KCNH1: variants seen among roughly 807,000 people sequenced by gnomAD.
The protein encoded by KCNH1 is voltage-gated delayed rectifier potassium channel KCNH1.
KCNH1 carries 27 observed loss-of-function variants against 69.2 expected under a neutral mutation model. The ratio of observed to expected loss-of-function variants is 0.39; its 90% CI spans 0.29 to 0.54. The LOEUF (loss-of-function observed/expected upper bound fraction) is 0.54. Among genes scored for constraint, KCNH1 ranks in the 20% least tolerant of loss-of-function variants. The probability of loss-of-function intolerance (pLI) is 0.68; values close to 1 mark genes in which losing one functional copy is unlikely to be tolerated. For synonymous variants in KCNH1, 456 were observed against 487.7 expected (o/e 0.93, Z 0.86); for missense variants, 798 against 1,261.6 (o/e 0.63, Z 5.57).
chr1:210,853,773 C>G (rs1004328470), intron 7 of KCNH1, among the ~76,000 whole-genome samples: 3 of 152,020 alleles, frequency 2.0e-5, no homozygotes, highest in African/African-American at 7.2e-5. Context: ...CTGATCAATA[C>G]CTTTGTCTAA....
chr1:211,020,349 A>G (rs540908994), intron 5 of KCNH1, among the ~76,000 whole-genome samples: 38 of 152,194 alleles, frequency 2.5e-4, no homozygotes, highest in African/African-American at 7.2e-4. Flanking sequence ...AGCTATTATG[A>G]ATAATCATAT....
At chr1:210,996,965 G>A (rs1689056323) in intron 6 of KCNH1, among the ~76,000 whole-genome samples, 1 of 152,116 alleles carries the variant, frequency 6.6e-6, no homozygotes, top group African/African-American at 2.4e-5. Context: ...TCTGTTAGAA[G>A]GAAAACTAAC....
intron 7 of KCNH1, among the ~76,000 whole-genome samples, chr1:210,863,942 T>C (rs753017256): frequency 2.7e-5 from 4 of 149,402 alleles, no homozygotes; most frequent in Non-Finnish European, 5.9e-5. Context: ...TACAAGCACA[T>C]GCACCCTTCT....
chr1:210,771,181 A>G (rs1326683892), intron 10 of KCNH1, among the ~76,000 whole-genome samples: 1 of 152,220 alleles, frequency 6.6e-6, no homozygotes, highest in Non-Finnish European at 1.5e-5. Flanking sequence ...CTTGCACCCT[A>G]GAGAGCCAAG....
At chr1:210,773,409 C>T (rs918064436) in intron 10 of KCNH1, among the ~76,000 whole-genome samples, 11 of 152,206 alleles carry the variant, frequency 7.2e-5, no homozygotes, top group Admixed American at 7.2e-4. Flanking sequence ...GCACCCCACA[C>T]TTGTTTATGC....
chr1:210,719,316 T>C (rs571747024), intron 10 of KCNH1, among the ~76,000 whole-genome samples: 1 of 152,266 alleles, frequency 6.6e-6, no homozygotes, highest in African/African-American at 2.4e-5. Context: ...AGATAAAGAT[T>C]CTGCTATTTG....
chr1:210,964,623 CA>C (rs532983916), intron 6 of KCNH1, among the ~76,000 whole-genome samples: 8 of 150,016 alleles, frequency 5.3e-5, no homozygotes, highest in Admixed American at 5.3e-4. Context: ...GCCTACAAAT[CA>C]AAAAAAGTCC....
chr1:210,720,634 A>G (rs528320325), intron 10 of KCNH1, among the ~76,000 whole-genome samples: 11 of 152,150 alleles, frequency 7.2e-5, no homozygotes, highest in African/African-American at 2.2e-4. Context: ...ACTAATATAG[A>G]TCTATTGTTT....
chr1:210,907,934 GT>G (rs2102545169), intron 7 of KCNH1, among the ~76,000 whole-genome samples: 1 of 152,304 alleles, frequency 6.6e-6, no homozygotes, highest in South Asian at 2.1e-4. Context: ...AAAAGAAACT[GT>G]TTTGTACCTG....
At chr1:210,946,064 TTA>T (rs1687952877) in intron 6 of KCNH1, among the ~76,000 whole-genome samples, 1 of 152,224 alleles carries the variant, frequency 6.6e-6, no homozygotes, top group Non-Finnish European at 1.5e-5. Context: ...GCTGGATGAA[TTA>T]ATACATAGCA....
At chr1:211,011,787 A>G (rs1485480130) in intron 6 of KCNH1, among the ~76,000 whole-genome samples, 1 of 152,220 alleles carries the variant, frequency 6.6e-6, no homozygotes, top group Non-Finnish European at 1.5e-5. Context: ...CACAGCATCT[A>G]CAGTCCCGTC....
At chr1:210,994,696 C>G (rs1364788503) in intron 6 of KCNH1, among the ~76,000 whole-genome samples, 1 of 152,144 alleles carries the variant, frequency 6.6e-6, no homozygotes, top group African/African-American at 2.4e-5. Flanking sequence ...TCAGTCTAAA[C>G]TCAATTTTTG....
At chr1:210,935,954 A>G (rs1169009796) in intron 6 of KCNH1, among the ~76,000 whole-genome samples, 1 of 152,244 alleles carries the variant, frequency 6.6e-6, no homozygotes, top group African/African-American at 2.4e-5. Context: ...TAAATAAAGC[A>G]TTCCTTTAAA....
intron 10 of KCNH1, among the ~76,000 whole-genome samples, chr1:210,761,937 A>G (rs72753476): frequency 1.7e-4 from 26 of 152,304 alleles, no homozygotes; most frequent in Admixed American, 1.0e-3. Context: ...ACAACCACAC[A>G]GTATACATTC....
chr1:210,733,138 G>A (rs1176631882), intron 10 of KCNH1, among the ~76,000 whole-genome samples: 1 of 152,100 alleles, frequency 6.6e-6, no homozygotes, highest in East Asian at 1.9e-4. Context: ...GGGAAACAAA[G>A]TATCCTTTCA....
chr1:210,865,974 A>G (rs1686098755), intron 7 of KCNH1, among the ~76,000 whole-genome samples: 1 of 152,164 alleles, frequency 6.6e-6, no homozygotes, highest in Non-Finnish European at 1.5e-5. Context: ...GATCAGCTTT[A>G]GTTGAAAAAA....
chr1:210,847,151 C>A (rs1335809132), intron 7 of KCNH1, among the ~76,000 whole-genome samples: 1 of 152,154 alleles, frequency 6.6e-6, no homozygotes, highest in Non-Finnish European at 1.5e-5. Flanking sequence ...ACTAGTTCAA[C>A]CATTGTGGAA....
intron 1 of KCNH1, among the ~76,000 whole-genome samples, chr1:211,117,535 G>C (rs1298347750): frequency 6.6e-6 from 1 of 152,174 alleles, no homozygotes; most frequent in African/African-American, 2.4e-5. Flanking sequence ...CCAGCCTAGA[G>C]AGAAAGAGGT....
In KCNH1 at chr1:210,879,705, G is replaced by A. The variant is rs77413493; in HGVS notation, c.1462+39935C>T. On this transcript the variant is annotated intron_variant, in intron 7 of 10. Transcript: ENST00000271751. ...CCCACTAACATTAGGAACAAGGTAA[G>A]TATGTCTCTTCTCGCTACTGTTTTC... is the stretch of plus-strand genomic sequence containing the variant. 3.7e-3 allele frequency among the ~76,000 whole-genome samples: 559 copies of A among 152,182 alleles called. 4 individuals carry two copies. Among genetic ancestry groups the A allele is most frequent in the African/African-American group, 0.013 (539 of 41,558 alleles).
Sources: allele counts gnomAD v4.1 joint callset (sites outside exome capture counted in the v4.1 genomes callset), GRCh38; gene constraint gnomAD v4.1.1; transcripts MANE v1.5; gene names NCBI Gene and HGNC (gene_info 2026-07-23, HGNC 2026-07-21).